RARB: variants seen among roughly 807,000 people sequenced by gnomAD.
RARB encodes retinoic acid receptor beta.
In RARB, 17 loss-of-function variants were observed where a neutral mutation model predicts 51.9. The observed-to-expected ratio is 0.33, with a 90% CI of 0.22 to 0.49. The LOEUF (loss-of-function observed/expected upper bound fraction) is 0.49, where lower values mean the gene tolerates loss of function less well. Ranked by LOEUF, RARB falls within the 20% of genes least tolerant of loss-of-function variation. The pLI, the probability that RARB is intolerant of heterozygous loss-of-function variation, is 0.99. For missense variants in RARB, 369 were observed against 550.8 expected, an observed-to-expected ratio of 0.67 and a Z score of 3.30; for synonymous variants, 215 against 195.4, an observed-to-expected ratio of 1.10 and a Z score of -0.84.
At chr3:25,507,083 G>T (rs1286645) in intron 3 of RARB, among the ~76,000 whole-genome samples, 1 of 152,148 alleles carries the variant, frequency 6.6e-6, no homozygotes, top group Non-Finnish European at 1.5e-5. Flanking sequence ...ACAGTGCTTC[G>T]CACAAAGCTC....
chr3:25,100,836 T>C (rs1453167275), intron 3 of RARB, among the ~76,000 whole-genome samples: 3 of 152,024 alleles, frequency 2.0e-5, no homozygotes, highest in East Asian at 3.9e-4. Flanking sequence ...ACATGTTTGG[T>C]GAGATAGGGA....
At chr3:25,265,164 A>C (rs1412924367) in intron 5 of RARB, among the ~76,000 whole-genome samples, 1 of 152,210 alleles carries the variant, frequency 6.6e-6, no homozygotes, top group African/African-American at 2.4e-5. Context: ...AGCAGCCCAA[A>C]TGGACTAAGA....
chr3:25,377,130 A>T (rs1270416264), intron 5 of RARB, among the ~76,000 whole-genome samples: 3 of 152,144 alleles, frequency 2.0e-5, no homozygotes, highest in African/African-American at 7.2e-5. Flanking sequence ...AATGTGACCT[A>T]CAGATGTTTG....
intron 5 of RARB, among the ~76,000 whole-genome samples, chr3:25,402,749 A>G (rs1707296586): frequency 6.6e-6 from 1 of 152,180 alleles, no homozygotes; most frequent in Non-Finnish European, 1.5e-5. Context: ...GGGATCTAAA[A>G]ATCAAAACAA....
At chr3:25,452,781 C>G (rs907297202) in intron 1 of RARB, among the ~76,000 whole-genome samples, 1 of 152,216 alleles carries the variant, frequency 6.6e-6, no homozygotes, top group South Asian at 2.1e-4. Context: ...AGTTCTCCCT[C>G]TCCTCATGGT....
At chr3:24,954,374 G>T (rs1695964031) in intron 2 of RARB, among the ~76,000 whole-genome samples, 1 of 152,194 alleles carries the variant, frequency 6.6e-6, no homozygotes. Context: ...TTCCTCTGCA[G>T]TGCAAGCTGA....
At chr3:25,412,735 A>G (rs1249214354) in intron 5 of RARB, among the ~76,000 whole-genome samples, 1 of 152,168 alleles carries the variant, frequency 6.6e-6, no homozygotes, top group Non-Finnish European at 1.5e-5. Flanking sequence ...GAACATGACC[A>G]TGGGCCGGGG....
chr3:25,021,719 A>T (rs1343143463), intron 2 of RARB, among the ~76,000 whole-genome samples: 5 of 151,612 alleles, frequency 3.3e-5, no homozygotes, highest in Admixed American at 2.0e-4. Flanking sequence ...TTTTTTTTTT[A>T]AATTCGAGGA....
chr3:25,182,762 T>C (rs1201773179), intron 5 of RARB, among the ~76,000 whole-genome samples: 2 of 152,178 alleles, frequency 1.3e-5, no homozygotes, highest in Admixed American at 6.5e-5. Context: ...TAAAGAGATG[T>C]TGAAGCCTTT....
chr3:25,010,912 A>AT (rs1473852723), intron 2 of RARB, among the ~76,000 whole-genome samples: 1 of 151,824 alleles, frequency 6.6e-6, no homozygotes, highest in Non-Finnish European at 1.5e-5. Flanking sequence ...GCCACTCCAG[A>AT]TTTTTCCTTG....
intron 5 of RARB, among the ~76,000 whole-genome samples, chr3:25,413,456 CATGAACATATGT>C (rs949408896): frequency 4.6e-5 from 7 of 152,012 alleles, no homozygotes; most frequent in African/African-American, 1.7e-4. Flanking sequence ...ATGCCTTTTA[CATGAACATATGT>C]ATGCATTTTT....
intron 3 of RARB, among the ~76,000 whole-genome samples, chr3:25,094,982 A>C (rs1237825308): frequency 6.6e-6 from 1 of 152,172 alleles, no homozygotes; most frequent in Non-Finnish European, 1.5e-5. Flanking sequence ...TCATTTGACA[A>C]ATGAGAAAAA....
intron 2 of RARB, among the ~76,000 whole-genome samples, chr3:24,872,856 A>G (rs916564497): frequency 6.6e-6 from 1 of 152,148 alleles, no homozygotes; most frequent in African/African-American, 2.4e-5. Flanking sequence ...TTACAGACTT[A>G]ACACACATGC....
At chr3:25,478,747 G>A (rs552515216) in intron 2 of RARB, among the ~76,000 whole-genome samples, 45 of 152,202 alleles carry the variant, frequency 3.0e-4, no homozygotes, top group Middle Eastern at 3.2e-3. Context: ...GAAACAGACC[G>A]CAAGCTGATC....
intron 5 of RARB, among the ~76,000 whole-genome samples, chr3:25,415,381 G>T (rs1450956297): frequency 6.6e-6 from 1 of 152,022 alleles, no homozygotes; most frequent in Non-Finnish European, 1.5e-5. Flanking sequence ...TATGCTGTGG[G>T]TTATGGATCT....
chr3:25,334,931 G>T (rs1346211112), intron 5 of RARB, among the ~76,000 whole-genome samples: 2 of 152,130 alleles, frequency 1.3e-5, no homozygotes, highest in African/African-American at 4.8e-5. Flanking sequence ...TTTCAGATCA[G>T]TGTGAGTTGT....
At chr3:25,285,214 C>T (rs747273652) in intron 5 of RARB, among the ~76,000 whole-genome samples, 6 of 152,104 alleles carry the variant, frequency 3.9e-5, no homozygotes, top group Non-Finnish European at 7.4e-5. Flanking sequence ...GAGTTTGACC[C>T]ATACTGAGGT....
intron 1 of RARB, among the ~76,000 whole-genome samples, chr3:24,853,346 T>A (rs568822618): frequency 1.3e-3 from 193 of 152,200 alleles, no homozygotes; most frequent in African/African-American, 4.5e-3. Flanking sequence ...AATAATGAAC[T>A]GTATCTTTAT....
intron 3 of RARB, among the ~76,000 whole-genome samples, chr3:25,541,916 T>G (rs1175183328): frequency 6.6e-6 from 1 of 152,216 alleles, no homozygotes; most frequent in Non-Finnish European, 1.5e-5. Context: ...GGGAGGTAGC[T>G]GTATTTCCAC....
Sources: gnomAD v4.1 joint callset for allele counts (sites outside exome capture counted in the v4.1 genomes callset) on GRCh38, gnomAD v4.1.1 for gene constraint, MANE v1.5 for transcripts, NCBI Gene and HGNC (gene_info 2026-07-23, HGNC 2026-07-21) for gene names.